The following FANCI variants were observed in gnomAD, a reference collection of about 807,000 sequenced individuals.
FANCI encodes FA complementation group I, also known as Fanconi anemia group I protein.
In FANCI, 156 loss-of-function variants were observed where a neutral mutation model predicts 176.1. That is an observed-to-expected ratio of 0.89 (90% CI 0.78 to 1.01). FANCI has a LOEUF of 1.01. FANCI is among the 50% of genes least tolerant of loss of function. FANCI has a pLI of 0.00. For missense variants in FANCI, 1,678 were observed against 1,534.1 expected, an observed-to-expected ratio of 1.09 and a Z score of -1.57; for synonymous variants, 613 against 541.7, an observed-to-expected ratio of 1.13 and a Z score of -1.83.
rs1464839356 is a variant in FANCI at position 89,305,596 on chromosome 15, T to C, written c.3256-9T>C. 4.3e-6 allele frequency: 7 copies of C among 1,613,978 alleles called. No homozygotes were observed. The highest frequency in any genetic ancestry group is 3.3e-5 in the Admixed American group (2 of 60,014). ...GTAGTGAATCACACCAGGCACTCTT[T>C]TCTTTCAGTTACTTGTTCTGAGTCA... On this transcript the variant is annotated splice_polypyrimidine_tract_variant and intron_variant, in intron 30 of 37. Coordinates refer to ENST00000310775, the MANE Select transcript of FANCI (RefSeq NM_001113378.2).
chr15:89,294,507 C>T (rs1274772424), intron 23 of FANCI, among the ~76,000 whole-genome samples: 1 of 152,054 alleles, frequency 6.6e-6, no homozygotes, highest in East Asian at 1.9e-4. Context: ...CTCACTTGAA[C>T]CCAGGAGGCA....
intron 18 of FANCI, among the ~76,000 whole-genome samples, chr15:89,288,225 CTG>C (rs1372421487): frequency 3.3e-5 from 5 of 152,174 alleles, no homozygotes; most frequent in Admixed American, 6.5e-5. Context: ...GTGTAAGTAA[CTG>C]TTTACCAGCT....
intron 2 of FANCI, among the ~76,000 whole-genome samples, chr15:89,254,468 G>T (rs1469016450): frequency 6.6e-6 from 1 of 152,068 alleles, no homozygotes; most frequent in Admixed American, 6.6e-5. Flanking sequence ...CCAAATCTGG[G>T]ACTATTTGAG....
At chr15:89,256,121 A>G (rs2052482889) in intron 2 of FANCI, among the ~76,000 whole-genome samples, 1 of 152,232 alleles carries the variant, frequency 6.6e-6, no homozygotes, top group Non-Finnish European at 1.5e-5. Context: ...AACTATTTCA[A>G]AAAGAGTCAA....
intron 28 of FANCI, among the ~76,000 whole-genome samples, chr15:89,304,853 C>T (rs558677273): frequency 4.6e-5 from 7 of 152,130 alleles, no homozygotes; most frequent in South Asian, 2.1e-4. Flanking sequence ...CTTGGCTGAC[C>T]GCAGCCTCCG....
chr15:89,286,337 G>C (rs1287919641), intron 18 of FANCI, among the ~76,000 whole-genome samples: 4 of 151,996 alleles, frequency 2.6e-5, no homozygotes, highest in African/African-American at 7.3e-5. Context: ...TTTTGCACTG[G>C]GTTTTCAACA....
rs775136140 is a variant in FANCI, at chr15:89,293,004, T to C, written c.2232T>C (p.Phe744=). The change falls in exon 22 of 38, where the codon TTT becomes TTC. Residue 744 remains phenylalanine (F), a synonymous_variant. Transcript: ENST00000310775. Reference sequence around the variant, plus strand: ...GCATAAAAAATAATATCTGTGCTTTTCTTGTGATGGGAGTTTGTGAGGTTT... The same window carrying C: ...GCATAAAAAATAATATCTGTGCTTTCCTTGTGATGGGAGTTTGTGAGGTTT... ...SIGIKNNICA[F]LVMGVCEVLI... is the part of the protein sequence containing the mutation. 2 of 1,614,072 alleles carry C rather than the reference T, an allele frequency of 1.2e-6. No individual in the cohort carries two copies. Among genetic ancestry groups the C allele is most frequent in the Non-Finnish European group, 1.7e-6 (2 of 1,179,952 alleles).
intron 2 of FANCI, among the ~76,000 whole-genome samples, chr15:89,257,468 GTC>G (rs969806844): frequency 1.5e-4 from 23 of 152,274 alleles, no homozygotes; most frequent in Admixed American, 3.9e-4. Context: ...TTTGTTCTGT[GTC>G]TCTCACCTAG....
At chr15:89,268,700 T>A in intron 10 of FANCI, 175 bp downstream of exon 10, 1 of 700,498 alleles carries the variant, frequency 1.4e-6, no homozygotes, top group East Asian at 2.9e-5. Context: ...GTTACCACAC[T>A]CCCTTTTTTT....
At position 89,261,675 on chromosome 15, in the gene FANCI, T is replaced by C; in HGVS notation, c.379T>C (p.Leu127=). ...REGSLVNGKS[L]ELLPIILTAL... is the part of the protein sequence containing the mutation. ...AGGCAGCCTAGTGAATGGAAAATCT[T>C]TGGAGTTACTACCTATCATTCTCAC... Residue 127 remains leucine (L), a synonymous_variant, in exon 5 of 38, where the codon TTG becomes CTG. Coordinates refer to ENST00000310775, the MANE Select transcript of FANCI (RefSeq NM_001113378.2). 4 of 1,614,164 alleles carry C rather than the reference T, an allele frequency of 2.5e-6. No homozygotes were observed. The South Asian group carries it at 3.3e-5, about 13-fold the overall frequency.
chr15:89,245,476 C>T (rs2051923815), intron 1 of FANCI, among the ~76,000 whole-genome samples: 1 of 149,680 alleles, frequency 6.7e-6, no homozygotes, highest in East Asian at 2.0e-4. Flanking sequence ...AGATTACAGG[C>T]GTGAGCTACT....
chr15:89,277,754 A>G (rs1338809637), intron 13 of FANCI, among the ~76,000 whole-genome samples: 4 of 152,202 alleles, frequency 2.6e-5, no homozygotes, highest in African/African-American at 9.6e-5. Context: ...GTTTTCAAAA[A>G]TTTATTTTCT....
intron 28 of FANCI, among the ~76,000 whole-genome samples, chr15:89,304,709 C>G (rs1490381659): frequency 6.6e-6 from 1 of 151,936 alleles, no homozygotes; most frequent in Non-Finnish European, 1.5e-5. Flanking sequence ...ACCTCCTGTT[C>G]TGGTTAGGCA....
chr15:89,262,914 A>G (rs1233953360), intron 6 of FANCI, among the ~76,000 whole-genome samples: 1 of 152,218 alleles, frequency 6.6e-6, no homozygotes, highest in Non-Finnish European at 1.5e-5. Flanking sequence ...AATTTTAAAT[A>G]GAGATGGGAA....
intron 12 of FANCI, among the ~76,000 whole-genome samples, chr15:89,275,559 G>A (rs1297166204): frequency 6.6e-6 from 1 of 152,162 alleles, no homozygotes; most frequent in Admixed American, 6.5e-5. Context: ...CTTTGCAGTA[G>A]GGCAAATTTG....
At position 89,301,425 on chromosome 15, in the gene FANCI, G is replaced by C. The variant is rs2054520603; in HGVS notation, c.2989G>C (p.Glu997Gln). 6.2e-7 allele frequency: 1 copy of C among 1,613,462 alleles called. No homozygotes were observed. ...TCTTACCAGTTTGTCCAAGTTACTG[G>C]AGCCCTCCTCTCCTCAGGTACTAGT... Reference protein sequence around the residue: ...TVLTSLSKLLEPSSPQFVQML... With the variant: ...TVLTSLSKLLQPSSPQFVQML... Residue 997 changes from glutamate to glutamine, a missense_variant, in exon 27 of 38, where the codon GAG becomes CAG. By Grantham distance (29) the Glu-to-Gln change is conservative. Around this residue, in one of 3 missense-constraint regions of FANCI, gnomAD observed 1,204 missense variants for 1,077.4 expected, o/e 1.12. Coordinates refer to ENST00000310775, the MANE Select transcript of FANCI (RefSeq NM_001113378.2).
intron 34 of FANCI, among the ~76,000 whole-genome samples, chr15:89,308,838 T>C (rs2054833457): frequency 6.6e-6 from 1 of 151,700 alleles, no homozygotes; most frequent in African/African-American, 2.4e-5. Context: ...CCCAGCTACT[T>C]GGGAGGCTGA....
chr15:89,307,121 G>A (rs1269497225), intron 32 of FANCI, among the ~76,000 whole-genome samples: 1 of 152,188 alleles, frequency 6.6e-6, no homozygotes, highest in African/African-American at 2.4e-5. Context: ...AGAATGTGTA[G>A]CTCTAGCTAC....
At position 89,305,598 on chromosome 15, in the gene FANCI, C is replaced by CT. The variant is rs756097752; in HGVS notation, c.3256-4dup. 2.5e-6 allele frequency: 4 copies of CT among 1,614,058 alleles called. No homozygotes were observed. The highest frequency in any genetic ancestry group is 2.5e-6 in the Non-Finnish European group (3 of 1,179,950). The stretch of plus-strand genomic sequence containing the variant: ...AGTGAATCACACCAGGCACTCTTTT[C>CT]TTTCAGTTACTTGTTCTGAGTCAGG... On this transcript the variant is annotated splice_region_variant and splice_polypyrimidine_tract_variant and intron_variant, in intron 30 of 37. Coordinates refer to ENST00000310775, the MANE Select transcript of FANCI (RefSeq NM_001113378.2).
Sources: allele counts gnomAD v4.1 joint callset (sites outside exome capture counted in the v4.1 genomes callset), GRCh38; gene constraint gnomAD v4.1.1; regional missense constraint gnomAD v4.1.1; transcripts MANE v1.5; gene names NCBI Gene and HGNC (gene_info 2026-07-23, HGNC 2026-07-21).